CTNNA3: variants seen among roughly 807,000 people sequenced by gnomAD.
CTNNA3 encodes catenin alpha 3.
CTNNA3 carries 76 observed loss-of-function variants against 95.7 expected under a neutral mutation model. The observed-to-expected ratio is 0.79, with a 90% CI of 0.66 to 0.96. The LOEUF is 0.96. Among genes scored for constraint, CTNNA3 ranks in the 40% least tolerant of loss-of-function variants. The probability of loss-of-function intolerance (pLI) is 0.00; values close to 1 mark genes in which losing one functional copy is unlikely to be tolerated. For synonymous variants in CTNNA3, 431 were observed against 374.4 expected (o/e 1.15, Z -1.74); for missense variants, 1,191 against 1,089.8 (o/e 1.09, Z -1.31).
intron 7 of CTNNA3, among the ~76,000 whole-genome samples, chr10:66,780,444 G>T (rs1840485768): frequency 6.6e-6 from 1 of 152,076 alleles, no homozygotes; most frequent in Non-Finnish European, 1.5e-5. Context: ...GCAGATGCTG[G>T]CAGGTGAAGG....
At chr10:66,473,977 C>T (rs966229200) in intron 11 of CTNNA3, among the ~76,000 whole-genome samples, 5 of 151,994 alleles carry the variant, frequency 3.3e-5, no homozygotes, top group East Asian at 1.9e-4. Context: ...AATAAACATA[C>T]GTGTACATGT....
At chr10:67,688,545 T>C (rs1840780605) in intron 1 of CTNNA3, among the ~76,000 whole-genome samples, 1 of 152,200 alleles carries the variant, frequency 6.6e-6, no homozygotes, top group Admixed American at 6.5e-5. Context: ...AGGATTGTAC[T>C]TTATACTTCC....
chr10:67,255,318 A>AATT (rs1564515297), intron 5 of CTNNA3, among the ~76,000 whole-genome samples: 21 of 148,862 alleles, frequency 1.4e-4, no homozygotes, highest in South Asian at 4.2e-4. Context: ...ATAAATAAAT[A>AATT]AATTAATTAA....
At chr10:66,314,191 T>G (rs1386937607) in intron 12 of CTNNA3, among the ~76,000 whole-genome samples, 2 of 151,986 alleles carry the variant, frequency 1.3e-5, no homozygotes, top group Non-Finnish European at 2.9e-5. Context: ...CATGAATGAG[T>G]GAAGCTGGCC....
rs547381992 is a variant in CTNNA3 at position 66,990,175 on chromosome 10, T to C, written c.1047+190142A>G. Among the ~76,000 whole-genome samples the C allele has an allele frequency of 1.1e-4, 16 of 152,290 alleles. No individual in the cohort carries two copies. In the South Asian group the frequency reaches 2.1e-3, roughly 20 times the overall value. ...ATTCCTTCTCTTGCTCAGTTGAATC[T>C]GCTTCATGAACCAAGTCAGGTTCTC... On this transcript the variant is annotated intron_variant, in intron 7 of 17. Coordinates refer to ENST00000433211, the MANE Select transcript of CTNNA3 (RefSeq NM_013266.4).
chr10:67,480,736 T>A (rs1397881052), intron 5 of CTNNA3, among the ~76,000 whole-genome samples: 1 of 152,214 alleles, frequency 6.6e-6, no homozygotes, highest in Non-Finnish European at 1.5e-5. Flanking sequence ...AAACTCTGTT[T>A]GAGGCTCTCA....
At chr10:67,648,468 TGGCCTGCCCAG>T (rs1839785077) in intron 1 of CTNNA3, among the ~76,000 whole-genome samples, 1 of 152,204 alleles carries the variant, frequency 6.6e-6, no homozygotes, top group African/African-American at 2.4e-5. Context: ...ATAACCCAAA[TGGCCTGCCCAG>T]GGCCCCATTT....
intron 2 of CTNNA3, among the ~76,000 whole-genome samples, chr10:67,617,436 AT>A (rs534879987): frequency 4.9e-5 from 7 of 143,056 alleles, no homozygotes; most frequent in Non-Finnish European, 9.3e-5. Context: ...ACATGATCTC[AT>A]TTTTTTTTAA....
intron 5 of CTNNA3, among the ~76,000 whole-genome samples, chr10:67,296,934 C>CAAAAAAAAAA (rs1210482029): frequency 0.023 from 403 of 17,654 alleles, 59 homozygotes; most frequent in African/African-American, 0.045. Context: ...AACGCTGTCT[C>CAAAAAAAAAA]AAAAAAAAAA....
At chr10:67,761,443 A>C (rs1841461035) in intron 1 of CTNNA3, among the ~76,000 whole-genome samples, 1 of 152,242 alleles carries the variant, frequency 6.6e-6, no homozygotes, top group African/African-American at 2.4e-5. Flanking sequence ...AAGAAATGCC[A>C]TACTGCTCCC....
chr10:66,710,936 A>T (rs1848271257), intron 9 of CTNNA3, among the ~76,000 whole-genome samples: 1 of 152,076 alleles, frequency 6.6e-6, no homozygotes, highest in African/African-American at 2.4e-5. Context: ...CTTTCTATCT[A>T]TAAAACATCT....
At chr10:66,458,180 G>T (rs2093507274) in intron 11 of CTNNA3, among the ~76,000 whole-genome samples, 1 of 152,084 alleles carries the variant, frequency 6.6e-6, no homozygotes, top group African/African-American at 2.4e-5. Context: ...GTTTGTAATA[G>T]CTCTATTATA....
chr10:66,318,111 C>T (rs1033901264), intron 12 of CTNNA3, among the ~76,000 whole-genome samples: 6 of 152,004 alleles, frequency 3.9e-5, no homozygotes, highest in East Asian at 1.9e-4. Context: ...GCCCATGAAG[C>T]TTTATTTTCA....
chr10:67,421,846 T>C (rs1278213482), intron 5 of CTNNA3, among the ~76,000 whole-genome samples: 1 of 152,140 alleles, frequency 6.6e-6, no homozygotes, highest in Non-Finnish European at 1.5e-5. Context: ...ACAAATGGAC[T>C]AGTATTGGTG....
upstream of CTNNA3, among the ~76,000 whole-genome samples, chr10:67,701,021 T>C (rs2133602800): frequency 6.6e-6 from 1 of 152,284 alleles, no homozygotes; most frequent in African/African-American, 2.4e-5. Context: ...GAAGAAAGTG[T>C]ATCAGTGATG....
intron 15 of CTNNA3, among the ~76,000 whole-genome samples, chr10:66,024,322 C>T (rs2079293419): frequency 6.6e-6 from 1 of 152,072 alleles, no homozygotes; most frequent in African/African-American, 2.4e-5. Context: ...ATCTCCTGAC[C>T]TCGTGATCCG....
At chr10:66,189,275 A>C (rs1304511695) in intron 13 of CTNNA3, among the ~76,000 whole-genome samples, 158 of 147,452 alleles carry the variant, frequency 1.1e-3, no homozygotes, top group African/African-American at 3.9e-3. Context: ...GTTCTATCAA[A>C]AAAAAAAAAA....
chr10:67,717,168 G>GT (rs1293998290), intron 1 of CTNNA3, among the ~76,000 whole-genome samples: 1 of 152,090 alleles, frequency 6.6e-6, no homozygotes, highest in African/African-American at 2.4e-5. Context: ...TGATGGGGTT[G>GT]TTTTTTTCTT....
At chr10:66,701,706 T>C (rs1480431343) in intron 9 of CTNNA3, among the ~76,000 whole-genome samples, 1 of 152,162 alleles carries the variant, frequency 6.6e-6, no homozygotes, top group Admixed American at 6.6e-5. Flanking sequence ...CCTGAAACCT[T>C]GCAAAGCTAA....
Sources: gnomAD v4.1 joint callset for allele counts (sites outside exome capture counted in the v4.1 genomes callset) on GRCh38, gnomAD v4.1.1 for gene constraint, MANE v1.5 for transcripts, NCBI Gene and HGNC (gene_info 2026-07-23, HGNC 2026-07-21) for gene names.